Variants in SLC26A2 observed in about 807,000 individuals in gnomAD.
The protein encoded by SLC26A2 is sulfate transporter.
In SLC26A2, 36 loss-of-function variants were observed where a neutral mutation model predicts 41.1. The ratio of observed to expected loss-of-function variants is 0.88; its 90% CI spans 0.67 to 1.16. The LOEUF is 1.16. Ranked by LOEUF, SLC26A2 falls within the 50% of genes most tolerant of loss-of-function variation. The pLI is 0.00. For missense variants in SLC26A2, 796 were observed against 869.6 expected, an observed-to-expected ratio of 0.92 and a Z score of 1.07; for synonymous variants, 291 against 311.6, an observed-to-expected ratio of 0.93 and a Z score of 0.70.
Position 149,980,891 on chromosome 5 carries a change from G to C in SLC26A2, c.1298G>C (p.Cys433Ser). 2 of 1,614,100 alleles carry C rather than the reference G, an allele frequency of 1.2e-6. No homozygotes were observed. Among genetic ancestry groups the C allele is most frequent in the Non-Finnish European group, 1.7e-6 (2 of 1,179,970 alleles). ...FCNIIPSFFH[C>S]FTTSAALAKT... ...AATATCATCCCTTCCTTCTTCCACT[G>C]TTTTACTACTAGTGCAGCTCTTGCA... The change falls in exon 3 of 3, where the codon TGT (cysteine) becomes TCT (serine). Residue 433 changes from cysteine to serine, a missense_variant. Cys to Ser is a moderately radical substitution (Grantham distance 112, BLOSUM62 -1). Transcript: ENST00000286298.
At chr5:149,965,240 T>C (rs1312448123) in intron 1 of SLC26A2, among the ~76,000 whole-genome samples, 2 of 152,164 alleles carry the variant, frequency 1.3e-5, no homozygotes, top group South Asian at 4.1e-4. Flanking sequence ...CCCAGCACTT[T>C]GGGAGGCCGA....
rs1489811776 is a variant in SLC26A2, at chr5:149,984,668, C to G, written c.*2855C>G. 1 of 152,120 alleles carries G rather than the reference C, an allele frequency of 6.6e-6. No individual in the cohort carries two copies. The highest frequency in any genetic ancestry group is 2.4e-5 in the African/African-American group (1 of 41,438). 9.4% of individuals were successfully genotyped at this position (152,120 alleles called of 1,614,324 possible). On this transcript the variant is annotated 3_prime_UTR_variant, in exon 3 of 3. Transcript: ENST00000286298. ...AGAGCGAGACTCCGTCTCAAACAAA[C>G]AAACAAAAAACTGTTTTCATTTGCT...
chr5:149,980,386 C>G lies in SLC26A2; in HGVS notation c.793C>G (p.Leu265Val). Residue 265 changes from leucine (L) to valine (V), a missense_variant, in exon 3 of 3, where the codon CTT becomes GTT. By Grantham distance (32) the Leu-to-Val change is conservative. Transcript: ENST00000286298. Reference protein sequence around the residue: ...GFVTGASFTILTSQAKYLLGL... With the variant: ...GFVTGASFTIVTSQAKYLLGL... Reference sequence around the variant, plus strand: ...TGTCACTGGTGCCTCCTTCACTATTCTTACATCTCAGGCCAAGTATCTTCT... The same window carrying G: ...TGTCACTGGTGCCTCCTTCACTATTGTTACATCTCAGGCCAAGTATCTTCT... The G allele has an allele frequency of 1.2e-6, 2 of 1,614,114 alleles. No homozygotes were observed. The highest frequency in any genetic ancestry group is 1.7e-6 in the Non-Finnish European group (2 of 1,179,976).
At chr5:149,975,928 C>T (rs1420580286) in intron 1 of SLC26A2, among the ~76,000 whole-genome samples, 1 of 151,902 alleles carries the variant, frequency 6.6e-6, no homozygotes, top group Non-Finnish European at 1.5e-5. Flanking sequence ...GAGGCTGAGG[C>T]GGATGGATCA....
At chr5:149,976,157 CAA>C (rs1346245034) in intron 1 of SLC26A2, among the ~76,000 whole-genome samples, 55 of 79,338 alleles carry the variant, frequency 6.9e-4, no homozygotes, top group African/African-American at 1.1e-3. Flanking sequence ...AACTCTGTCT[CAA>C]AAAAAAAAAA....
intron 1 of SLC26A2, among the ~76,000 whole-genome samples, 168 bp from the exon 2 acceptor site, chr5:149,977,460 T>C (rs914173598): frequency 1.4e-4 from 22 of 152,172 alleles, no homozygotes; most frequent in African/African-American, 4.8e-4. Context: ...GTCTTTTTTT[T>C]TCCCCCTAAC....
rs1755135874 is a variant in SLC26A2, at chr5:149,983,040, C to G, written c.*1227C>G. ...CCATCTTAAAAAAAAAAAAAGTAAA[C>G]TGCAAAAGTACAAAATCATTTTTCA... On this transcript the variant is annotated 3_prime_UTR_variant, in exon 3 of 3. Coordinates refer to ENST00000286298, the MANE Select transcript of SLC26A2 (RefSeq NM_000112.4). 6.6e-6 allele frequency: 1 copy of G among 151,126 alleles called. No individual in the cohort carries two copies. Among genetic ancestry groups the G allele is most frequent in the Non-Finnish European group, 1.5e-5 (1 of 67,768 alleles). The allele number at this position is 151,126 out of a possible 1,614,324, so 9.4% of individuals were successfully genotyped here.
intron 1 of SLC26A2, among the ~76,000 whole-genome samples, chr5:149,966,358 T>TC (rs1754805613): frequency 6.6e-6 from 1 of 152,242 alleles, no homozygotes; most frequent in Non-Finnish European, 1.5e-5. Context: ...ATGACTTGCC[T>TC]GGAGTCCAGG....
At position 149,981,201 on chromosome 5, in the gene SLC26A2, T is replaced by C. The variant is rs1338881996; in HGVS notation, c.1608T>C (p.Cys536=). 6.2e-6 allele frequency: 10 copies of C among 1,614,012 alleles called. No individual in the cohort carries two copies. The highest frequency in any genetic ancestry group is 7.6e-6 in the Non-Finnish European group (9 of 1,180,010). ...AAATAGGCCTACTTGTTGGGGTTTG[T>C]TTTTCTATATTTTGTGTCATCCTCC... ...STEIGLLVGV[C]FSIFCVILRT... Residue 536 remains cysteine, a synonymous_variant, in exon 3 of 3, where the codon TGT becomes TGC. Coordinates refer to ENST00000286298, the MANE Select transcript of SLC26A2 (RefSeq NM_000112.4).
Position 149,983,744 on chromosome 5 carries a change from T to G in SLC26A2, c.*1931T>G, listed in dbSNP as rs570621879. On this transcript the variant is annotated 3_prime_UTR_variant, in exon 3 of 3. Coordinates refer to ENST00000286298, the MANE Select transcript of SLC26A2 (RefSeq NM_000112.4). ...GTATGCATCACCACACCCTGCTAAT[T>G]TTTTAAATTTTTTTCTAGAGAGAGG... 2 of 152,296 alleles carry G rather than the reference T, an allele frequency of 1.3e-5. No individual in the cohort carries two copies. Among genetic ancestry groups the G allele is most frequent in the African/African-American group, 4.8e-5 (2 of 41,532 alleles). 9.4% of individuals were successfully genotyped at this position (152,296 alleles called of 1,614,324 possible). A position where few individuals can be genotyped will look rare whatever the true frequency, so the allele number is the denominator to read the frequency against.
intron 2 of SLC26A2, 93 bp downstream of exon 2, chr5:149,978,444 TA>T (rs1755036300): frequency 9.2e-7 from 1 of 1,084,094 alleles, no homozygotes; most frequent in Non-Finnish European, 1.4e-6. Flanking sequence ...TCACAATAAT[TA>T]AAGGTATCAT....
intron 1 of SLC26A2, among the ~76,000 whole-genome samples, chr5:149,963,035 TG>T (rs1754739231): frequency 2.6e-5 from 4 of 152,150 alleles, no homozygotes; most frequent in Admixed American, 1.3e-4. Context: ...AAGGCAGGGC[TG>T]GGCCCAGGAG....
At position 149,986,222 on chromosome 5, in the gene SLC26A2, C is replaced by G. The variant is rs944693133; in HGVS notation, c.*4409C>G. 4.6e-5 allele frequency: 7 copies of G among 151,814 alleles called. No homozygotes were observed. The South Asian group carries it at 1.5e-3, about 32-fold the overall frequency. 9.4% of individuals were successfully genotyped at this position (151,814 alleles called of 1,614,324 possible). A position where few individuals can be genotyped will look rare whatever the true frequency, so the allele number is the denominator to read the frequency against. On this transcript the variant is annotated 3_prime_UTR_variant, in exon 3 of 3. Transcript: ENST00000286298. ...ATAAAAAGAAAAAATTAAAAAGAAT[C>G]AGTTTTTTTAATTAAAAAAATAGAA... is the stretch of plus-strand genomic sequence containing the variant.
chr5:149,972,355 C>G (rs1264199510), intron 1 of SLC26A2, among the ~76,000 whole-genome samples: 2 of 152,100 alleles, frequency 1.3e-5, no homozygotes, highest in Admixed American at 1.3e-4. Context: ...TTTCTAAGAG[C>G]TAGAGATGGG....
chr5:149,970,559 T>A (rs1754884399), intron 1 of SLC26A2, among the ~76,000 whole-genome samples: 2 of 152,088 alleles, frequency 1.3e-5, no homozygotes, highest in African/African-American at 4.8e-5. Flanking sequence ...AACATACCTG[T>A]ATAGATCTGG....
Position 149,980,983 on chromosome 5 carries a change from C to T in SLC26A2, c.1390C>T (p.Leu464Phe), listed in dbSNP as rs1160857063. The T allele has an allele frequency of 2.5e-6, 4 of 1,614,018 alleles. No individual in the cohort carries two copies. Among genetic ancestry groups the T allele is most frequent in the Non-Finnish European group, 3.4e-6 (4 of 1,180,012 alleles). Residue 464 changes from leucine (L) to phenylalanine (F), a missense_variant, in exon 3 of 3, where the codon CTT becomes TTT. Physicochemically the swap from Leu to Phe is conservative, Grantham distance 22. Coordinates refer to ENST00000286298, the MANE Select transcript of SLC26A2 (RefSeq NM_000112.4). ...TTCTGGTGTGGTAACAGCCCTGGTT[C>T]TTTTGTTGGTCCTCCTAGTAATAGC... ...QLSGVVTALV[L>F]LLVLLVIAPL... is the part of the protein sequence containing the mutation.
At chr5:149,976,308 A>G (rs1217370014) in intron 1 of SLC26A2, among the ~76,000 whole-genome samples, 1 of 152,194 alleles carries the variant, frequency 6.6e-6, no homozygotes, top group East Asian at 1.9e-4. Flanking sequence ...TCTTTCCTCC[A>G]GGAGCTAGAG....
rs143658243 is a variant in SLC26A2, at chr5:149,978,125, G to C, written c.473G>C (p.Arg158Pro). Residue 158 changes from arginine to proline, a missense_variant, in exon 2 of 3, where the codon CGT becomes CCT. Physicochemically the swap from Arg to Pro is moderately radical, Grantham distance 103 (BLOSUM62 -2). Transcript: ENST00000286298. ...ATTTATTTTCTCTTGGGTACCTCCC[G>C]TCACATCTCTGTGGGCATTTTTGGA... ...SIIYFLLGTS[R>P]HISVGIFGVL... 1 of 1,605,500 alleles carries C rather than the reference G, an allele frequency of 6.2e-7. No homozygotes were observed. Among genetic ancestry groups the C allele is most frequent in the Admixed American group, 1.7e-5 (1 of 59,346 alleles).
Position 149,978,235 on chromosome 5 carries a change from G to A in SLC26A2, c.583G>A (p.Gly195Arg), listed in dbSNP as rs1271577788. 1 of 1,613,932 alleles carries A rather than the reference G, an allele frequency of 6.2e-7. No homozygotes were observed. Among genetic ancestry groups the A allele is most frequent in the Non-Finnish European group, 8.5e-7 (1 of 1,179,972 alleles). Residue 195 changes from glycine (G) to arginine (R), a missense_variant, in exon 2 of 3, where the codon GGA (glycine) becomes AGA (arginine). By Grantham distance (125) the Gly-to-Arg change is moderately radical. Transcript: ENST00000286298. ...YDNAHSAPSLGMVSNGSTLLN... is the reference protein window; with the variant it reads ...YDNAHSAPSLRMVSNGSTLLN... ...CAATGCCCATAGTGCTCCTTCCTTA[G>A]GAATGGTTTCAAATGGGAGCACATT...
Sources: gnomAD v4.1 joint callset for allele counts (sites outside exome capture counted in the v4.1 genomes callset) on GRCh38, gnomAD v4.1.1 for gene constraint, MANE v1.5 for transcripts, NCBI Gene and HGNC (gene_info 2026-07-23, HGNC 2026-07-21) for gene names.